CD86: variants seen among roughly 807,000 people sequenced by gnomAD.
The protein encoded by CD86 is T-lymphocyte activation antigen CD86.
Under a neutral mutation model 32.1 loss-of-function variants are expected in CD86, and 11 were observed. The ratio of observed to expected loss-of-function variants is 0.34; its 90% confidence interval spans 0.22 to 0.57. The LOEUF (loss-of-function observed/expected upper bound fraction) is 0.57, where lower values mean the gene tolerates loss of function less well. Among genes scored for constraint, CD86 ranks in the 20% least tolerant of loss-of-function variants. The pLI is 0.86. For synonymous variants in CD86, 137 were observed against 135.3 expected, an observed-to-expected ratio of 1.01 and a Z score of -0.09; for missense variants, 359 against 398.4, an observed-to-expected ratio of 0.90 and a Z score of 0.84.
intron 5 of CD86, 49 bp from the exon 6 acceptor site, chr3:122,117,999 G>A (rs770701703): frequency 6.6e-7 from 1 of 1,506,572 alleles, no homozygotes; most frequent in Non-Finnish European, 9.2e-7. Context: ...TCCTTCTTTT[G>A]GTATCTAGGA....
intron 1 of CD86, among the ~76,000 whole-genome samples, chr3:122,071,712 T>A (rs1270729265): frequency 6.6e-6 from 1 of 150,510 alleles, no homozygotes; most frequent in Non-Finnish European, 1.5e-5. Flanking sequence ...TTTTACCATT[T>A]TGCATTCTTT....
chr3:122,077,880 C>T (rs2072576060), intron 1 of CD86: 3 of 985,360 alleles, frequency 3.0e-6, no homozygotes, highest in South Asian at 4.7e-5. Context: ...ACCGTCAGTC[C>T]TGGCATTATT....
At chr3:122,081,268 TCCATGTGTCCTTAAAAA>T in intron 1 of CD86, among the ~76,000 whole-genome samples, 1 of 152,330 alleles carries the variant, frequency 6.6e-6, no homozygotes, top group Non-Finnish European at 1.5e-5. Context: ...CTCCTCCATT[TCCATGTGTCCTTAAAAA>T]CTGTTATTTG....
At position 122,106,840 on chromosome 3, in the gene CD86, G is replaced by GCACACACACACACACACACA. The variant is rs56759758; in HGVS notation, c.703+352_703+371dup. On this transcript the variant is annotated intron_variant, in intron 4 of 6. Transcript: ENST00000330540. ...TTGATTACAACACATACATGCGCTT[G>GCACACACACACACACACACA]CACACACACACACACACACACACAC... 1.7e-3 allele frequency among the ~76,000 whole-genome samples: 242 copies of GCACACACACACACACACACA among 143,560 alleles called. 3 individuals are homozygous for GCACACACACACACACACACA. The highest frequency in any genetic ancestry group is 4.0e-3 in the African/African-American group (156 of 38,550). The allele number at this position is 143,560 out of a possible 152,430, so 94.2% of individuals were successfully genotyped here.
At chr3:122,065,302 T>C (rs2681409) in intron 1 of CD86, among the ~76,000 whole-genome samples, 145,499 of 152,322 alleles carry the variant, frequency 0.96, 69,838 homozygotes, top group East Asian at 1. Flanking sequence ...AAAACAATTT[T>C]TGGCAACCAT....
intron 1 of CD86, among the ~76,000 whole-genome samples, chr3:122,075,227 G>A (rs148655664): frequency 6.6e-6 from 1 of 152,276 alleles, no homozygotes; most frequent in East Asian, 1.9e-4. Context: ...TAGGAGGTAG[G>A]TTGACTGACT....
At chr3:122,102,840 T>G (rs2073032003) in intron 2 of CD86, among the ~76,000 whole-genome samples, 1 of 147,594 alleles carries the variant, frequency 6.8e-6, no homozygotes, top group South Asian at 2.1e-4. Context: ...TGGTTCACTA[T>G]CGAAGTCATT....
In CD86 at chr3:122,109,392, C is replaced by A; in HGVS notation, c.831C>A (p.Arg277=). The part of the protein sequence containing the change: ...LWKWKKKKRP[R]NSYKCGTNTM... ...AATGGAAGAAGAAGAAGCGGCCTCG[C>A]AACTCTTATAAATGTGGTGAGTGAG... The change falls in exon 5 of 7, where the codon CGC becomes CGA. Residue 277 remains arginine (R), a synonymous_variant. Coordinates refer to ENST00000330540, the MANE Select transcript of CD86 (RefSeq NM_175862.5). 1 of 1,614,050 alleles carries A rather than the reference C, an allele frequency of 6.2e-7. No homozygotes were observed. The highest frequency in any genetic ancestry group is 1.7e-5 in the Admixed American group (1 of 59,996).
intron 1 of CD86, among the ~76,000 whole-genome samples, chr3:122,058,685 G>C (rs993399884): frequency 6.6e-6 from 1 of 152,050 alleles, no homozygotes; most frequent in African/African-American, 2.4e-5. Flanking sequence ...CAGGCATCCA[G>C]CTATGATCAT....
Position 122,103,984 on chromosome 3 carries a change from A to G in CD86, c.400+137A>G, listed in dbSNP as rs975391280. 18 of 666,028 alleles carry G rather than the reference A, an allele frequency of 2.7e-5. No homozygotes were observed. The African/African-American group carries it at 3.1e-4, about 11-fold the overall frequency. The allele number at this position is 666,028 out of a possible 1,614,324, so 41.3% of individuals were successfully genotyped here. On this transcript the variant is annotated intron_variant, in intron 3 of 6. Transcript: ENST00000330540. ...TATAGAGAGAAGGCAGAGGACAGCCACTTCTGGGAAGTGCATTTGAAGGGA... is the reference window on the plus strand; with the variant it reads ...TATAGAGAGAAGGCAGAGGACAGCCGCTTCTGGGAAGTGCATTTGAAGGGA...
At chr3:122,106,717 G>A (rs947361466) in intron 4 of CD86, among the ~76,000 whole-genome samples, 5 of 152,100 alleles carry the variant, frequency 3.3e-5, no homozygotes, top group Non-Finnish European at 5.9e-5. Flanking sequence ...TATGCTTTTA[G>A]CCCTGAAACT....
intron 2 of CD86, among the ~76,000 whole-genome samples, chr3:122,099,208 C>T (rs546012480): frequency 2.6e-5 from 4 of 152,062 alleles, no homozygotes; most frequent in African/African-American, 7.2e-5. Flanking sequence ...TAGAGCATTT[C>T]AATGAGGAGA....
chr3:122,081,343 C>A (rs1415826589), intron 1 of CD86, among the ~76,000 whole-genome samples: 1 of 152,114 alleles, frequency 6.6e-6, no homozygotes, highest in Non-Finnish European at 1.5e-5. Context: ...TGAAAAGCAT[C>A]AAAAAGGTTA....
At chr3:122,064,760 T>C (rs1004748963) in intron 1 of CD86, among the ~76,000 whole-genome samples, 6 of 152,182 alleles carry the variant, frequency 3.9e-5, no homozygotes, top group Non-Finnish European at 2.9e-5. Flanking sequence ...TGTTAATGCA[T>C]CAGAGGTTCA....
chr3:122,056,539 G>A (rs1396412229), intron 1 of CD86, among the ~76,000 whole-genome samples: 1 of 151,964 alleles, frequency 6.6e-6, no homozygotes, highest in African/African-American at 2.4e-5. Flanking sequence ...CCACCATGTT[G>A]GCCAGGATGG....
At chr3:122,110,456 C>G (rs886099735) in intron 5 of CD86, among the ~76,000 whole-genome samples, 2 of 152,116 alleles carry the variant, frequency 1.3e-5, no homozygotes, top group Non-Finnish European at 2.9e-5. Context: ...ATTAAGGTAA[C>G]CTTCTAACTC....
chr3:122,090,423 C>T (rs1043572555), intron 1 of CD86, among the ~76,000 whole-genome samples: 2 of 152,202 alleles, frequency 1.3e-5, no homozygotes, highest in Non-Finnish European at 2.9e-5. Flanking sequence ...GTGGACAGAC[C>T]TGTGAATTAA....
chr3:122,120,267 G>A lies in CD86; in HGVS notation c.*733G>A, dbSNP rs966395490. The A allele has an allele frequency of 1.3e-5, 2 of 152,206 alleles. No individual in the cohort carries two copies. Among genetic ancestry groups the A allele is most frequent in the African/African-American group, 4.8e-5 (2 of 41,434 alleles). 9.4% of individuals were successfully genotyped at this position (152,206 alleles called of 1,614,324 possible). A position where few individuals can be genotyped will look rare whatever the true frequency, so the allele number is the denominator to read the frequency against. ...TGAGGAGGCTTGCCCCACCCAACAA[G>A]CCATAGTGGAGAGAACTGAATAAAC... On this transcript the variant is annotated 3_prime_UTR_variant, in exon 7 of 7. Coordinates refer to ENST00000330540, the MANE Select transcript of CD86 (RefSeq NM_175862.5).
At chr3:122,058,208 C>G (rs1261680772) in intron 1 of CD86, among the ~76,000 whole-genome samples, 2 of 152,114 alleles carry the variant, frequency 1.3e-5, no homozygotes, top group Non-Finnish European at 2.9e-5. Context: ...TTACTAAGAA[C>G]AGAATGGAGG....
Sources: gnomAD v4.1 joint callset for allele counts (sites outside exome capture counted in the v4.1 genomes callset) on GRCh38, gnomAD v4.1.1 for gene constraint, MANE v1.5 for transcripts, NCBI Gene and HGNC (gene_info 2026-07-23, HGNC 2026-07-21) for gene names.